The following ZBTB20 variants were observed in gnomAD, a reference collection of about 807,000 sequenced individuals.
ZBTB20 encodes the protein zinc finger and BTB domain-containing protein 20.
Under a neutral mutation model 56.9 loss-of-function variants are expected in ZBTB20, and 9 were observed. That is an observed-to-expected ratio of 0.16 (90% CI 0.10 to 0.28). The LOEUF is 0.28. Among genes scored for constraint, ZBTB20 ranks in the 10% least tolerant of loss-of-function variants. The pLI is 1.00. For synonymous variants in ZBTB20, 417 were observed against 420.7 expected (o/e 0.99, Z 0.11); for missense variants, 655 against 1,003.0 (o/e 0.65, Z 4.69).
intron 11 of ZBTB20, among the ~76,000 whole-genome samples, chr3:114,343,915 G>C (rs1576243970): frequency 2.0e-5 from 3 of 152,314 alleles, no homozygotes; most frequent in South Asian, 2.1e-4. Context: ...TGGGCATGGT[G>C]GTGGGCGCCT....
intron 4 of ZBTB20, among the ~76,000 whole-genome samples, chr3:114,851,387 TTTCTC>T (rs1401287903): frequency 6.6e-6 from 1 of 152,198 alleles, no homozygotes; most frequent in East Asian, 1.9e-4. Context: ...TTCTTTTGTA[TTTCTC>T]TTGAGTCTTT....
At chr3:114,967,598 A>C (rs2077695831) in intron 3 of ZBTB20, among the ~76,000 whole-genome samples, 1 of 152,186 alleles carries the variant, frequency 6.6e-6, no homozygotes, top group Non-Finnish European at 1.5e-5. Flanking sequence ...CAAGGGAAAA[A>C]AAAGGGGGGA....
At chr3:115,083,206 T>G (rs897299585) in intron 1 of ZBTB20, among the ~76,000 whole-genome samples, 3 of 152,080 alleles carry the variant, frequency 2.0e-5, no homozygotes, top group Admixed American at 6.6e-5. Context: ...TGTATTCTTC[T>G]TTGCCTCATC....
At chr3:115,014,312 A>G (rs968679667) in intron 2 of ZBTB20, among the ~76,000 whole-genome samples, 8 of 151,606 alleles carry the variant, frequency 5.3e-5, no homozygotes, top group African/African-American at 1.9e-4. Flanking sequence ...AATGGGTTAA[A>G]AATAGTTAGA....
chr3:114,980,811 A>G (rs2078295814), intron 2 of ZBTB20, among the ~76,000 whole-genome samples: 1 of 152,008 alleles, frequency 6.6e-6, no homozygotes, highest in African/African-American at 2.4e-5. Flanking sequence ...GTAGCTAATC[A>G]CTGAAGAAAG....
chr3:114,867,255 GT>G (rs1440062991), intron 4 of ZBTB20, among the ~76,000 whole-genome samples: 1 of 152,020 alleles, frequency 6.6e-6, no homozygotes, highest in African/African-American at 2.4e-5. Context: ...GGAAAACCAG[GT>G]TGATCCAGAT....
intron 5 of ZBTB20, among the ~76,000 whole-genome samples, chr3:114,712,012 T>G (rs574815917): frequency 6.6e-6 from 1 of 152,282 alleles, no homozygotes; most frequent in African/African-American, 2.4e-5. Context: ...GTGCTGGATG[T>G]AAAAGGAAGA....
chr3:114,362,159 G>A (rs11915585), intron 10 of ZBTB20, among the ~76,000 whole-genome samples: 5,362 of 152,244 alleles, frequency 0.035, 149 homozygotes, highest in African/African-American at 0.073. Flanking sequence ...GTACCTGAAT[G>A]TTGAGGAGTG....
intron 4 of ZBTB20, among the ~76,000 whole-genome samples, chr3:114,873,484 A>C (rs1224556759): frequency 6.6e-6 from 1 of 152,158 alleles, no homozygotes; most frequent in African/African-American, 2.4e-5. Flanking sequence ...TAAATGTCTT[A>C]TGTAGCAAGG....
intron 6 of ZBTB20, among the ~76,000 whole-genome samples, chr3:114,540,762 GC>G (rs1474703844): frequency 6.6e-6 from 1 of 151,946 alleles, no homozygotes; most frequent in Non-Finnish European, 1.5e-5. Context: ...TGTCCCATTT[GC>G]CCCCTGTGCT....
At chr3:114,932,625 T>C (rs1365473992) in intron 3 of ZBTB20, among the ~76,000 whole-genome samples, 1 of 152,252 alleles carries the variant, frequency 6.6e-6, no homozygotes, top group Admixed American at 6.5e-5. Context: ...GGTTTTCCTA[T>C]CTCACTTACC....
chr3:114,426,615 C>A (rs1346940302), intron 7 of ZBTB20, among the ~76,000 whole-genome samples: 1 of 152,154 alleles, frequency 6.6e-6, no homozygotes, highest in Non-Finnish European at 1.5e-5. Context: ...TACACCCTCT[C>A]CATCTCTGAA....
chr3:114,507,109 G>A (rs2044716997), intron 6 of ZBTB20, among the ~76,000 whole-genome samples: 1 of 152,138 alleles, frequency 6.6e-6, no homozygotes, highest in Admixed American at 6.5e-5. Flanking sequence ...TAGGAGTGGG[G>A]GCAAGATGAG....
chr3:115,004,576 G>A (rs1366871835), intron 2 of ZBTB20, among the ~76,000 whole-genome samples: 1 of 151,608 alleles, frequency 6.6e-6, no homozygotes, highest in African/African-American at 2.4e-5. Context: ...AAACAAGAGG[G>A]TCTTTCATTT....
rs375909642 is a variant in ZBTB20, at chr3:114,843,825, T to C, written c.-416-42651A>G. 2.2e-4 allele frequency among the ~76,000 whole-genome samples: 32 copies of C among 146,896 alleles called. No homozygotes were observed. In the East Asian group the frequency reaches 3.3e-3, roughly 15 times the overall value. On this transcript the variant is annotated intron_variant, in intron 4 of 11. Transcript: ENST00000675478. ...CTGAGTATCTGGGACTACAGGTGCC[T>C]GCCATCACACCCGGCTAATTTTTTT...
intron 7 of ZBTB20, among the ~76,000 whole-genome samples, chr3:114,486,340 T>A (rs574061072): frequency 6.6e-6 from 1 of 152,264 alleles, no homozygotes; most frequent in Admixed American, 6.5e-5. Flanking sequence ...GATGATAATG[T>A]AATGATGAAA....
intron 6 of ZBTB20, among the ~76,000 whole-genome samples, chr3:114,639,660 A>G (rs1340493190): frequency 6.6e-6 from 1 of 152,040 alleles, no homozygotes; most frequent in Non-Finnish European, 1.5e-5. Context: ...GGTGGATGAT[A>G]AGTAATCTTA....
chr3:114,964,017 A>G (rs552206001), intron 3 of ZBTB20, among the ~76,000 whole-genome samples: 2 of 152,214 alleles, frequency 1.3e-5, no homozygotes, highest in Non-Finnish European at 2.9e-5. Flanking sequence ...TCAATTTAGT[A>G]AACATTTATT....
intron 6 of ZBTB20, among the ~76,000 whole-genome samples, chr3:114,527,844 A>G (rs1179093365): frequency 2.0e-5 from 3 of 152,166 alleles, no homozygotes; most frequent in Non-Finnish European, 4.4e-5. Context: ...AAATGAGTAA[A>G]TTTAGAACAA....
Sources: gnomAD v4.1 joint callset for allele counts (sites outside exome capture counted in the v4.1 genomes callset) on GRCh38, gnomAD v4.1.1 for gene constraint, MANE v1.5 for transcripts, NCBI Gene and HGNC (gene_info 2026-07-23, HGNC 2026-07-21) for gene names.